The following DHX34 variants were observed in gnomAD, a reference collection of about 807,000 sequenced individuals.
DHX34 encodes the protein DExH-box helicase 34.
DHX34 carries 96 observed loss-of-function variants against 111.1 expected under a neutral mutation model. The ratio of observed to expected loss-of-function variants is 0.86; its 90% CI spans 0.73 to 1.02. The LOEUF (loss-of-function observed/expected upper bound fraction) is 1.02. Among genes scored for constraint, DHX34 ranks in the 50% least tolerant of loss-of-function variants. The pLI is 0.00. For synonymous variants in DHX34, 688 were observed against 670.4 expected (o/e 1.03, Z -0.41); for missense variants, 1,560 against 1,579.9 (o/e 0.99, Z 0.21).
Position 47,353,658 on chromosome 19 carries a change from A to G in DHX34, c.628A>G (p.Thr210Ala), listed in dbSNP as rs1243483161. 12 of 1,612,768 alleles carry G rather than the reference A, an allele frequency of 7.4e-6. No homozygotes were observed. The highest frequency in any genetic ancestry group is 1.3e-5 in the African/African-American group (1 of 74,928). ...LAAGFSHVAC[T>A]QPRRIACISL... Reference sequence around the variant, plus strand: ...TGCTGGCTTCAGTCATGTGGCGTGCACCCAGCCCCGGCGGATCGCCTGCAT... The same window carrying G: ...TGCTGGCTTCAGTCATGTGGCGTGCGCCCAGCCCCGGCGGATCGCCTGCAT... The change falls in exon 2 of 17, where the codon ACC (threonine) becomes GCC (alanine). Residue 210 changes from threonine to alanine, a missense_variant. By Grantham distance (58) the Thr-to-Ala change is moderately conservative (BLOSUM62 0). Coordinates refer to ENST00000328771, the MANE Select transcript of DHX34 (RefSeq NM_014681.6). This position sits in a 1 kb window ranked among gnomAD's most constrained non-coding sequence, Gnocchi z 4.6.
At chr19:47,376,909 C>A (rs1970180772) in intron 12 of DHX34, 191 bp from the exon 13 acceptor site, 3 of 1,535,392 alleles carry the variant, frequency 2.0e-6, no homozygotes, top group Non-Finnish European at 2.6e-6. Context: ...GGGTGTCTCG[C>A]TGCAGGCATG....
At chr19:47,367,783 G>T (rs1035989211) in intron 7 of DHX34, among the ~76,000 whole-genome samples, 2 of 151,478 alleles carry the variant, frequency 1.3e-5, no homozygotes, top group African/African-American at 4.9e-5. Context: ...AGCCACTTGG[G>T]AGGGTGAGGT....
chr19:47,379,225 T>C (rs769289236), intron 13 of DHX34, among the ~76,000 whole-genome samples: 1 of 152,166 alleles, frequency 6.6e-6, no homozygotes, highest in Non-Finnish European at 1.5e-5. Context: ...GGAGCCCTCC[T>C]GTACCATCCC....
At chr19:47,357,845 C>A (rs1969501918) in intron 3 of DHX34, 21 bp from the exon 4 acceptor site, 1 of 1,604,414 alleles carries the variant, frequency 6.2e-7, no homozygotes, top group Admixed American at 1.7e-5. Context: ...TGTGCTTCTA[C>A]CTGGGGCTGT....
At chr19:47,376,403 G>C in intron 11 of DHX34, 40 bp from the exon 12 acceptor site, 1 of 1,590,120 alleles carries the variant, frequency 6.3e-7, no homozygotes, top group Non-Finnish European at 8.5e-7. Flanking sequence ...AGAGGAGAGA[G>C]CAGATAGGAG....
chr19:47,351,430 G>A lies in DHX34; in HGVS notation c.-277-1324G>A, dbSNP rs113488628. Among the ~76,000 whole-genome samples the A allele has an allele frequency of 1.3e-3, 194 of 152,112 alleles. 1 individual carries two copies. Among genetic ancestry groups the A allele is most frequent in the African/African-American group, 4.5e-3 (186 of 41,504 alleles). On this transcript the variant is annotated intron_variant, in intron 1 of 16. Coordinates refer to ENST00000328771, the MANE Select transcript of DHX34 (RefSeq NM_014681.6). Reference sequence around the variant, plus strand: ...AAAAGACTCCAACTGTAAGCAAAAAGGCATTTTCTGGTGTAGCTGAGAAGT... The same window carrying A: ...AAAAGACTCCAACTGTAAGCAAAAAAGCATTTTCTGGTGTAGCTGAGAAGT...
intron 2 of DHX34, among the ~76,000 whole-genome samples, chr19:47,354,036 G>A (rs1044939664): frequency 3.3e-5 from 5 of 151,934 alleles, no homozygotes; most frequent in Non-Finnish European, 7.4e-5. Context: ...GATCTTGGCT[G>A]ACTGCAACCT....
At chr19:47,367,614 G>T (rs995591911) in intron 7 of DHX34, among the ~76,000 whole-genome samples, 1 of 152,184 alleles carries the variant, frequency 6.6e-6, no homozygotes, top group Admixed American at 6.5e-5. Flanking sequence ...AACATGGCCG[G>T]CACAGTGGCC....
intron 13 of DHX34, 32 bp from the exon 14 acceptor site, chr19:47,379,678 C>T: frequency 6.4e-7 from 1 of 1,570,176 alleles, no homozygotes; most frequent in Non-Finnish European, 8.7e-7. Context: ...CCCCTCCCAC[C>T]TACTCCCTGT....
chr19:47,366,900 A>G (rs1969801788), intron 6 of DHX34, 81 bp from the exon 7 acceptor site: 1 of 1,418,852 alleles, frequency 7.0e-7, no homozygotes, highest in African/African-American at 1.5e-5. Context: ...AAACGTCATG[A>G]ATTTGTGATC....
Position 47,377,191 on chromosome 19 carries a change from C to G in DHX34, c.2691C>G (p.Arg897=), listed in dbSNP as rs1255123474. 1.9e-6 allele frequency: 3 copies of G among 1,613,488 alleles called. No individual in the cohort carries two copies. In the African/African-American group the frequency reaches 4.0e-5, roughly 22 times the overall value. Reference sequence around the variant, plus strand: ...AGCCGTACCTGGTGAACTGCGTCCGCATCCCTGCCCTCCAGGTGGGCCTCT... The same window carrying G: ...AGCCGTACCTGGTGAACTGCGTCCGGATCCCTGCCCTCCAGGTGGGCCTCT... ...TNKPYLVNCV[R]IPALQSLLLF... The change falls in exon 13 of 17, where the codon CGC becomes CGG. Residue 897 remains arginine (R), a synonymous_variant. Transcript: ENST00000328771.
Position 47,373,581 on chromosome 19 carries a change from G to T in DHX34, c.1963-18G>T. ...ACTGGCCAGGCCCTGACACCCTGGC[G>T]TCTGCTCCTCCACCCAGGTGAAATC... On this transcript the variant is annotated intron_variant, in intron 8 of 16. Transcript: ENST00000328771. The T allele has an allele frequency of 1.2e-6, 2 of 1,610,332 alleles. No homozygotes were observed. The highest frequency in any genetic ancestry group is 1.7e-6 in the Non-Finnish European group (2 of 1,178,504).
intron 14 of DHX34, 194 bp from the exon 15 acceptor site, chr19:47,380,621 TG>T: frequency 8.2e-6 from 8 of 981,024 alleles, no homozygotes; most frequent in Non-Finnish European, 9.6e-6. Context: ...GCAATTTAGA[TG>T]GGGGTGGGTT....
At chr19:47,363,214 A>G (rs962337608) in intron 6 of DHX34, among the ~76,000 whole-genome samples, 1 of 151,948 alleles carries the variant, frequency 6.6e-6, no homozygotes, top group African/African-American at 2.4e-5. Flanking sequence ...TCGGCCTCCC[A>G]AAGTGCTGGG....
chr19:47,377,174 C>A lies in DHX34; in HGVS notation c.2674C>A (p.Leu892Met), dbSNP rs752951624. Residue 892 changes from leucine (L) to methionine (M), a missense_variant, in exon 13 of 17, where the codon CTG (leucine) becomes ATG (methionine). By Grantham distance (15) the Leu-to-Met change is conservative. Transcript: ENST00000328771. ...CCTGCTGGAGACCAACAAGCCGTAC[C>A]TGGTGAACTGCGTCCGCATCCCTGC... ...VSLLETNKPY[L>M]VNCVRIPALQ... 1 of 1,613,938 alleles carries A rather than the reference C, an allele frequency of 6.2e-7. No individual in the cohort carries two copies. The highest frequency in any genetic ancestry group is 1.1e-5 in the South Asian group (1 of 91,072).
In DHX34 at chr19:47,353,346, A is replaced by G. The variant is rs759051968; in HGVS notation, c.316A>G (p.Ile106Val). ...TCGCACTTACGACCCACGTTACCGC[A>G]TCAACCTCTCTGTTCTTGGCCCTGC... Reference protein sequence around the residue: ...LPRTYDPRYRINLSVLGPATR... With the variant: ...LPRTYDPRYRVNLSVLGPATR... Residue 106 changes from isoleucine (I) to valine (V), a missense_variant, in exon 2 of 17, where the codon ATC becomes GTC. Coordinates refer to ENST00000328771, the MANE Select transcript of DHX34 (RefSeq NM_014681.6). The surrounding 1 kb of genome is among the most constrained non-coding windows in gnomAD (Gnocchi z 4.6). The G allele has an allele frequency of 1.2e-5, 20 of 1,614,148 alleles. No homozygotes were observed. The South Asian group carries it at 2.1e-4, about 17-fold the overall frequency.
chr19:47,378,751 G>T (rs1240671748), intron 13 of DHX34, among the ~76,000 whole-genome samples: 1 of 152,130 alleles, frequency 6.6e-6, no homozygotes, highest in Non-Finnish European at 1.5e-5. Context: ...CAGGAGGATT[G>T]CTTGAGCCTG....
intron 6 of DHX34, among the ~76,000 whole-genome samples, chr19:47,365,892 G>A (rs1014335497): frequency 1.3e-5 from 2 of 152,196 alleles, no homozygotes; most frequent in African/African-American, 4.8e-5. Flanking sequence ...GGTTGTAAGT[G>A]AGAGAAATAC....
At position 47,371,489 on chromosome 19, in the gene DHX34, C is replaced by T. The variant is rs549203414; in HGVS notation, c.1769-1241C>T. ...AAGCAGCGTCACGGCGAGGTGGGGCCACTTTTCCCTGGTGACAGAGCTGGG... is the reference window on the plus strand; with the variant it reads ...AAGCAGCGTCACGGCGAGGTGGGGCTACTTTTCCCTGGTGACAGAGCTGGG... On this transcript the variant is annotated intron_variant, in intron 7 of 16. Transcript: ENST00000328771. 2.0e-5 allele frequency among the ~76,000 whole-genome samples: 3 copies of T among 152,316 alleles called. No individual in the cohort carries two copies. The South Asian group carries it at 6.2e-4, about 32-fold the overall frequency.
Sources: allele counts gnomAD v4.1 joint callset (sites outside exome capture counted in the v4.1 genomes callset), GRCh38; gene constraint gnomAD v4.1.1; non-coding constraint Gnocchi (gnomAD v3.1); transcripts MANE v1.5; gene names NCBI Gene and HGNC (gene_info 2026-07-23, HGNC 2026-07-21).